The following WDFY4 variants were observed in gnomAD, a reference collection of about 807,000 sequenced individuals.
WDFY4 encodes the protein WDFY family member 4, also known as WD repeat- and FYVE domain-containing protein 4.
Under a neutral mutation model 351.9 loss-of-function variants are expected in WDFY4, and 169 were observed. The ratio of observed to expected loss-of-function variants is 0.48; its 90% CI spans 0.42 to 0.55. The LOEUF is 0.55. Among genes scored for constraint, WDFY4 ranks in the 20% least tolerant of loss-of-function variants. WDFY4 has a pLI of 0.00. For missense variants in WDFY4, 3,803 were observed against 3,935.6 expected, an observed-to-expected ratio of 0.97 and a Z score of 0.90; for synonymous variants, 1,622 against 1,574.6, an observed-to-expected ratio of 1.03 and a Z score of -0.71.
chr10:48,872,126 T>TC (rs1279476086), intron 40 of WDFY4, among the ~76,000 whole-genome samples: 2 of 152,146 alleles, frequency 1.3e-5, no homozygotes, highest in African/African-American at 4.8e-5. Context: ...CTGGGCACTA[T>TC]CCCCCACCCC....
At chr10:48,811,182 A>C (rs778489197) in intron 29 of WDFY4, among the ~76,000 whole-genome samples, 1 of 152,208 alleles carries the variant, frequency 6.6e-6, no homozygotes, top group Non-Finnish European at 1.5e-5. Context: ...TAATTATTTG[A>C]GTATTTAATT....
intron 47 of WDFY4, among the ~76,000 whole-genome samples, chr10:48,907,915 G>A (rs1316118163): frequency 5.3e-5 from 8 of 152,206 alleles, no homozygotes; most frequent in African/African-American, 1.4e-4. Flanking sequence ...GACCAGAGGC[G>A]AACGGCACCT....
intron 60 of WDFY4, among the ~76,000 whole-genome samples, chr10:48,980,961 G>C (rs778632033): frequency 8.5e-5 from 13 of 152,120 alleles, no homozygotes; most frequent in Non-Finnish European, 1.8e-4. Context: ...TGATAATGCC[G>C]ACTTTATGTA....
chr10:48,767,562 A>C (rs1324182135), intron 13 of WDFY4, among the ~76,000 whole-genome samples: 1 of 152,172 alleles, frequency 6.6e-6, no homozygotes, highest in Non-Finnish European at 1.5e-5. Flanking sequence ...TCAGTGATCT[A>C]AGAGAAGCTG....
intron 52 of WDFY4, among the ~76,000 whole-genome samples, chr10:48,959,357 C>T (rs185833521): frequency 1.0e-3 from 153 of 152,316 alleles, no homozygotes; most frequent in African/African-American, 3.3e-3. Context: ...CCAGCTTGCA[C>T]CACTATCACT....
At chr10:48,809,491 A>C (rs1437117740) in intron 28 of WDFY4, among the ~76,000 whole-genome samples, 4 of 137,004 alleles carry the variant, frequency 2.9e-5, no homozygotes, top group Non-Finnish European at 3.2e-5. Flanking sequence ...CCACCATCAT[A>C]ACCACTACCA....
intron 39 of WDFY4, among the ~76,000 whole-genome samples, chr10:48,848,953 A>G (rs748354819): frequency 1.5e-4 from 23 of 152,228 alleles, no homozygotes; most frequent in Non-Finnish European, 5.9e-5. Flanking sequence ...GTGGGTTACC[A>G]TTGCGTCCAG....
intron 23 of WDFY4, among the ~76,000 whole-genome samples, chr10:48,795,185 T>C (rs558840318): frequency 6.6e-6 from 1 of 151,914 alleles, no homozygotes; most frequent in South Asian, 2.1e-4. Context: ...GTTTGTTAAT[T>C]TGGTGGTGGG....
At chr10:48,727,062 C>T (rs926487901) in intron 6 of WDFY4, among the ~76,000 whole-genome samples, 2 of 152,194 alleles carry the variant, frequency 1.3e-5, no homozygotes, top group African/African-American at 4.8e-5. Context: ...ATCTTTTTAC[C>T]CTCTGCCTCC....
Position 48,814,086 on chromosome 10 carries a change from A to G in WDFY4, c.5340+4A>G, listed in dbSNP as rs1335811901. The G allele has an allele frequency of 1.3e-6, 2 of 1,540,626 alleles. No individual in the cohort carries two copies. Among genetic ancestry groups the G allele is most frequent in the East Asian group, 2.5e-5 (1 of 40,642 alleles). On this transcript the variant is annotated splice_donor_region_variant and intron_variant, in intron 31 of 61. Coordinates refer to ENST00000325239, the MANE Select transcript of WDFY4 (RefSeq NM_001394531.1). The stretch of plus-strand genomic sequence containing the variant: ...GCTGAAGGCCACCATGAGCCAGGTG[A>G]GACCCATTCCCCACATGCTGCCCCG...
chr10:48,795,901 T>G (rs1185062003), intron 23 of WDFY4, among the ~76,000 whole-genome samples: 2 of 152,132 alleles, frequency 1.3e-5, no homozygotes, highest in East Asian at 3.9e-4. Flanking sequence ...CAGGGGCTGG[T>G]GCAACTGACA....
intron 11 of WDFY4, 92 bp downstream of exon 11, chr10:48,736,162 G>T: frequency 6.9e-7 from 1 of 1,441,976 alleles, no homozygotes; most frequent in African/African-American, 1.4e-5. Flanking sequence ...ATGTAATTCA[G>T]TTAGCCACTG....
chr10:48,974,515 A>ACAAC (rs1842466064), intron 57 of WDFY4, among the ~76,000 whole-genome samples: 1 of 20,918 alleles, frequency 4.8e-5, no homozygotes, highest in Non-Finnish European at 4.5e-4. Context: ...AAAAAAAAAA[A>ACAAC]AAAAAAAAAA....
chr10:48,881,301 T>G (rs935306706), intron 43 of WDFY4, among the ~76,000 whole-genome samples: 1 of 152,270 alleles, frequency 6.6e-6, no homozygotes, highest in African/African-American at 2.4e-5. Context: ...AAGGATCCTG[T>G]TAAGACTGAG....
intron 5 of WDFY4, among the ~76,000 whole-genome samples, chr10:48,724,542 G>A (rs1312797077): frequency 6.6e-6 from 1 of 152,108 alleles, no homozygotes; most frequent in East Asian, 1.9e-4. Context: ...TTTACTGTGT[G>A]GCTTTTAGGT....
chr10:48,823,196 A>G (rs1305812797), intron 35 of WDFY4: 2 of 1,302,954 alleles, frequency 1.5e-6, no homozygotes, highest in African/African-American at 1.5e-5. Context: ...CAGCCCCATT[A>G]CAAGCTAGAG....
intron 53 of WDFY4, among the ~76,000 whole-genome samples, chr10:48,963,362 A>G (rs1268744821): frequency 6.6e-6 from 1 of 152,218 alleles, no homozygotes; most frequent in African/African-American, 2.4e-5. Context: ...CAGTGATGTT[A>G]AGGAATGTGT....
chr10:48,796,304 G>A lies in WDFY4; in HGVS notation c.4264G>A (p.Ala1422Thr). The A allele has an allele frequency of 6.4e-7, 1 of 1,551,604 alleles. No individual in the cohort carries two copies. The highest frequency in any genetic ancestry group is 2.0e-5 in the Admixed American group (1 of 50,842). Residue 1422 changes from alanine to threonine, a missense_variant, in exon 24 of 62, where the codon GCG (alanine) becomes ACG (threonine). Physicochemically the swap from Ala to Thr is moderately conservative, Grantham distance 58 (BLOSUM62 0). Transcript: ENST00000325239. ...TTTGTGTTAACCTTTTCAGATAATGGCGTTTCTCCTGAGGAAGAAGGCCTC... is the reference window on the plus strand; with the variant it reads ...TTTGTGTTAACCTTTTCAGATAATGACGTTTCTCCTGAGGAAGAAGGCCTC... ...MQHICGYQIM[A>T]FLLRKKASLL... is the part of the protein sequence containing the mutation.
chr10:48,851,034 A>AG (rs1386465671), intron 39 of WDFY4, among the ~76,000 whole-genome samples: 1 of 152,250 alleles, frequency 6.6e-6, no homozygotes, highest in Admixed American at 6.5e-5. Context: ...ATCTTGATAT[A>AG]GCAAGAACCT....
Sources: allele counts gnomAD v4.1 joint callset (sites outside exome capture counted in the v4.1 genomes callset), GRCh38; gene constraint gnomAD v4.1.1; transcripts MANE v1.5; gene names NCBI Gene and HGNC (gene_info 2026-07-23, HGNC 2026-07-21).